The following RIPOR2 variants were observed in gnomAD, a reference collection of about 807,000 sequenced individuals.
RIPOR2 encodes the protein rho family-interacting cell polarization regulator 2.
Under a neutral mutation model 114.5 loss-of-function variants are expected in RIPOR2, and 39 were observed. The ratio of observed to expected loss-of-function variants is 0.34; its 90% CI spans 0.26 to 0.44. The LOEUF (loss-of-function observed/expected upper bound fraction) is 0.44, where lower values mean the gene tolerates loss of function less well. Among genes scored for constraint, RIPOR2 ranks in the 20% least tolerant of loss-of-function variants. The probability of loss-of-function intolerance (pLI) is 1.00; values close to 1 mark genes in which losing one functional copy is unlikely to be tolerated. For synonymous variants in RIPOR2, 445 were observed against 484.4 expected (o/e 0.92, Z 1.07); for missense variants, 1,007 against 1,255.1 (o/e 0.80, Z 2.99).
At chr6:24,899,853 C>T (rs933097894) in intron 1 of RIPOR2, among the ~76,000 whole-genome samples, 1 of 152,196 alleles carries the variant, frequency 6.6e-6, no homozygotes, top group African/African-American at 2.4e-5. Context: ...AGGCACGCCA[C>T]TGATATGGCG....
At chr6:25,018,735 T>A (rs1007388542) in intron 1 of RIPOR2, among the ~76,000 whole-genome samples, 2 of 152,208 alleles carry the variant, frequency 1.3e-5, no homozygotes, top group Admixed American at 1.3e-4. Context: ...TAATAGGTGA[T>A]ACTCTATGAT....
chr6:24,912,171 C>G (rs1340024756), intron 1 of RIPOR2, among the ~76,000 whole-genome samples: 1 of 152,190 alleles, frequency 6.6e-6, no homozygotes, highest in Non-Finnish European at 1.5e-5. Flanking sequence ...CAAGAGCATG[C>G]CTTTACTAGA....
rs561368182 is a variant in RIPOR2 at position 24,873,103 on chromosome 6, C to A, written c.345-144G>T. On this transcript the variant is annotated intron_variant, in intron 3 of 21. Coordinates refer to ENST00000643898, the MANE Select transcript of RIPOR2 (RefSeq NM_001286445.3). ...GCAGGAGGCTTTGTATTTTCCCAGT[C>A]TTTCAACATTTTGAAAGGTCTAGCA... 6 of 609,528 alleles carry A rather than the reference C, an allele frequency of 9.8e-6. No homozygotes were observed. The East Asian group carries it at 1.7e-4, about 17-fold the overall frequency. 37.8% of individuals were successfully genotyped at this position (609,528 alleles called of 1,614,324 possible). A position where few individuals can be genotyped will look rare whatever the true frequency, so the allele number is the denominator to read the frequency against.
intron 1 of RIPOR2, among the ~76,000 whole-genome samples, chr6:25,010,041 T>C (rs776193910): frequency 2.9e-4 from 44 of 152,138 alleles, no homozygotes; most frequent in Non-Finnish European, 5.4e-4. Context: ...AAGAGAAAAC[T>C]GGAGAGGAAG....
At chr6:24,953,113 C>T (rs191058268) in intron 1 of RIPOR2, among the ~76,000 whole-genome samples, 11 of 152,290 alleles carry the variant, frequency 7.2e-5, no homozygotes, top group African/African-American at 1.9e-4. Flanking sequence ...GCGGGCGGAT[C>T]ACCTGAGGTC....
intron 9 of RIPOR2, among the ~76,000 whole-genome samples, chr6:24,850,927 G>T (rs368649095): frequency 6.7e-6 from 1 of 149,020 alleles, no homozygotes; most frequent in East Asian, 2.0e-4. Context: ...TTGGAGTCTC[G>T]CTCTGTCACT....
At chr6:24,966,071 A>G (rs1773512632) in intron 1 of RIPOR2, among the ~76,000 whole-genome samples, 1 of 152,234 alleles carries the variant, frequency 6.6e-6, no homozygotes, top group Non-Finnish European at 1.5e-5. Context: ...GGTGAAAAGC[A>G]TGAAAGAGGA....
chr6:24,951,745 C>A (rs1321040873), intron 1 of RIPOR2, among the ~76,000 whole-genome samples: 14 of 152,170 alleles, frequency 9.2e-5, no homozygotes, highest in Non-Finnish European at 2.1e-4. Flanking sequence ...GAAATCCAGA[C>A]CTTGCTTCTG....
intron 1 of RIPOR2, chr6:25,023,456 C>A: frequency 1.3e-6 from 1 of 767,082 alleles, no homozygotes; most frequent in Non-Finnish European, 2.4e-6. Flanking sequence ...CGCTTTCCCT[C>A]CCACTTGCCC....
intron 1 of RIPOR2, among the ~76,000 whole-genome samples, chr6:24,923,410 G>A (rs1770645022): frequency 6.6e-6 from 1 of 152,096 alleles, no homozygotes; most frequent in Non-Finnish European, 1.5e-5. Context: ...TGGATCACCT[G>A]GCAATTCTAT....
At chr6:24,975,424 T>C (rs1344810295) in intron 1 of RIPOR2, among the ~76,000 whole-genome samples, 1 of 152,046 alleles carries the variant, frequency 6.6e-6, no homozygotes, top group Non-Finnish European at 1.5e-5. Context: ...AACAGAAAAT[T>C]CAGAAAAGCA....
intron 17 of RIPOR2, among the ~76,000 whole-genome samples, chr6:24,829,344 T>A (rs1420692446): frequency 6.6e-6 from 1 of 151,502 alleles, no homozygotes; most frequent in Non-Finnish European, 1.5e-5. Context: ...TTAAAAAAAA[T>A]TGCTGGCCCA....
upstream of RIPOR2, among the ~76,000 whole-genome samples, chr6:24,940,576 G>A (rs550773201): frequency 1.3e-5 from 2 of 152,054 alleles, no homozygotes; most frequent in African/African-American, 4.8e-5. Flanking sequence ...TGCCAGTAAA[G>A]ATGCACCTAA....
At chr6:24,873,879 C>T (rs1264119016) in intron 2 of RIPOR2, 80 bp from the exon 3 acceptor site, 1 of 1,248,044 alleles carries the variant, frequency 8.0e-7, no homozygotes, top group Non-Finnish European at 1.1e-6. Context: ...CTATTATTTA[C>T]TTGTTTGTTT....
chr6:25,024,257 C>T (rs1280542444), intron 1 of RIPOR2: 21 of 1,542,198 alleles, frequency 1.4e-5, no homozygotes, highest in Non-Finnish European at 1.8e-5. Context: ...ACTGGATGGC[C>T]GGCCAGATGA....
intron 1 of RIPOR2, among the ~76,000 whole-genome samples, chr6:25,005,738 T>TACATACATACATAC (rs1554130559): frequency 2.8e-5 from 2 of 70,700 alleles, no homozygotes; most frequent in South Asian, 5.0e-4. Context: ...TATATATATA[T>TACATACATACATAC]ATACATTTAC....
chr6:24,809,587 T>C, intron 21 of RIPOR2, 130 bp downstream of exon 21: 1 of 662,994 alleles, frequency 1.5e-6, no homozygotes, highest in South Asian at 1.8e-5. Context: ...GAAGACAGCC[T>C]ACAGCGGGGA....
intron 2 of RIPOR2, 103 bp downstream of exon 2, chr6:24,875,588 G>A: frequency 9.3e-7 from 1 of 1,078,362 alleles, no homozygotes; most frequent in Non-Finnish European, 1.3e-6. Flanking sequence ...GAGGAGGCCG[G>A]GGGGCGGTTT....
At chr6:24,908,930 T>C (rs920917559) in intron 1 of RIPOR2, among the ~76,000 whole-genome samples, 1 of 152,236 alleles carries the variant, frequency 6.6e-6, no homozygotes, top group Non-Finnish European at 1.5e-5. Context: ...TGGTATTTCT[T>C]TTTATTTATA....
Sources: allele counts gnomAD v4.1 joint callset (sites outside exome capture counted in the v4.1 genomes callset), GRCh38; gene constraint gnomAD v4.1.1; transcripts MANE v1.5; gene names NCBI Gene and HGNC (gene_info 2026-07-23, HGNC 2026-07-21).